The following ZNF423 variants were observed in gnomAD, a reference collection of about 807,000 sequenced individuals.
ZNF423 encodes the protein Ebf-associated zinc finger protein.
A neutral mutation model predicts 95.8 loss-of-function variants in ZNF423; 12 were observed. The observed-to-expected ratio is 0.13, with a 90% CI of 0.08 to 0.20. ZNF423 has a LOEUF of 0.20. Among genes scored for constraint, ZNF423 ranks in the 10% least tolerant of loss-of-function variants. The pLI is 1.00. For missense variants in ZNF423, 1,316 were observed against 1,737.1 expected (o/e 0.76, Z 4.31); for synonymous variants, 749 against 711.9 (o/e 1.05, Z -0.83).
intron 3 of ZNF423, among the ~76,000 whole-genome samples, chr16:49,665,981 C>T (rs1169827693): frequency 1.3e-5 from 2 of 152,208 alleles, no homozygotes; most frequent in South Asian, 2.1e-4. Flanking sequence ...CTGGCTGTCC[C>T]GAGTGGGCCC....
rs546571291 is a variant in ZNF423, at chr16:49,522,209, C to T, written c.3849+1415G>A. On this transcript the variant is annotated intron_variant, in intron 7 of 7. Coordinates refer to ENST00000563137, the MANE Select transcript of ZNF423 (RefSeq NM_001379286.1). ...AACTGGTGTGTGTGAGTCCTTAGGG[C>T]TCCCTTCTCCTTCCAGGCAGAGGGT... Among the ~76,000 whole-genome samples, 16 of 152,320 alleles carry T rather than the reference C, an allele frequency of 1.1e-4. 1 individual carries two copies. The South Asian group carries it at 3.1e-3, about 30-fold the overall frequency.
intron 1 of ZNF423, among the ~76,000 whole-genome samples, chr16:49,828,951 G>A (rs561463699): frequency 1.9e-4 from 29 of 152,250 alleles, no homozygotes; most frequent in African/African-American, 6.5e-4. Context: ...GGTTCCACTC[G>A]CCTCCTGGTC....
At chr16:49,814,142 G>A (rs181676554) in intron 1 of ZNF423, among the ~76,000 whole-genome samples, 15 of 151,082 alleles carry the variant, frequency 9.9e-5, no homozygotes, top group Admixed American at 4.6e-4. Flanking sequence ...CCGGGGCTTC[G>A]GAGACAGAAG....
At chr16:49,736,689 A>G (rs1567319386) in intron 2 of ZNF423, among the ~76,000 whole-genome samples, 1 of 152,142 alleles carries the variant, frequency 6.6e-6, no homozygotes, top group Non-Finnish European at 1.5e-5. Flanking sequence ...TAGCTACTTG[A>G]GAGGCTGAAG....
intron 1 of ZNF423, among the ~76,000 whole-genome samples, chr16:49,797,094 A>G (rs2034510620): frequency 6.6e-6 from 1 of 152,026 alleles, no homozygotes; most frequent in Non-Finnish European, 1.5e-5. Flanking sequence ...GCTCAACCTT[A>G]GGGAAACCCT....
chr16:49,523,820 A>C (rs371480523), intron 6 of ZNF423, 81 bp from the exon 7 acceptor site: 39 of 1,139,718 alleles, frequency 3.4e-5, no homozygotes, highest in East Asian at 2.6e-4. Flanking sequence ...CAACACTCGC[A>C]GGCAGGGATC....
intron 5 of ZNF423, among the ~76,000 whole-genome samples, chr16:49,602,785 G>A (rs557384991): frequency 3.2e-4 from 49 of 152,208 alleles, no homozygotes; most frequent in African/African-American, 1.0e-3. Context: ...GAAGGGCTCC[G>A]CAAAAGTCTC....
intron 5 of ZNF423, among the ~76,000 whole-genome samples, chr16:49,622,235 C>T (rs1401109656): frequency 6.6e-6 from 1 of 152,128 alleles, no homozygotes; most frequent in Non-Finnish European, 1.5e-5. Context: ...TCAAGAGAAG[C>T]CTAGTAAACC....
chr16:49,748,917 C>G (rs1791877391), intron 2 of ZNF423, among the ~76,000 whole-genome samples: 1 of 152,118 alleles, frequency 6.6e-6, no homozygotes, highest in South Asian at 2.1e-4. Context: ...TGTGTGCACC[C>G]CTCTCATGCA....
chr16:49,634,600 G>A (rs1026689177), intron 4 of ZNF423, among the ~76,000 whole-genome samples: 11 of 152,104 alleles, frequency 7.2e-5, no homozygotes, highest in Non-Finnish European at 1.5e-4. Context: ...TGTCCCAGCC[G>A]GTGCCTATGG....
At position 49,835,643 on chromosome 16, in the gene ZNF423, G is replaced by A. The variant is rs896799191; in HGVS notation, c.40+20092C>T. 2.6e-5 allele frequency among the ~76,000 whole-genome samples: 4 copies of A among 152,082 alleles called. No homozygotes were observed. The East Asian group carries it at 7.7e-4, about 29-fold the overall frequency. ...CTCTCCCAGCTCCCCCACCCGGCAT[G>A]GCCCAAAAAAAAGGGACGCAACCAC... On this transcript the variant is annotated intron_variant, in intron 1 of 7. Transcript: ENST00000563137.
At chr16:49,673,257 C>T (rs1346901273) in intron 3 of ZNF423, among the ~76,000 whole-genome samples, 1 of 152,214 alleles carries the variant, frequency 6.6e-6, no homozygotes, top group Admixed American at 6.5e-5. Context: ...GACCCCATCC[C>T]ATCAAAATGA....
chr16:49,607,764 G>A (rs1971584568), intron 5 of ZNF423, among the ~76,000 whole-genome samples: 1 of 152,158 alleles, frequency 6.6e-6, no homozygotes, highest in South Asian at 2.1e-4. Flanking sequence ...GAAATCTCAG[G>A]AACATCCACC....
chr16:49,652,468 C>A (rs1055695811), intron 3 of ZNF423, among the ~76,000 whole-genome samples: 1 of 152,126 alleles, frequency 6.6e-6, no homozygotes, highest in Admixed American at 6.5e-5. Context: ...CCAAGTCTGC[C>A]CCTACAAGGG....
intron 2 of ZNF423, among the ~76,000 whole-genome samples, chr16:49,739,089 G>T (rs1596950850): frequency 6.6e-6 from 1 of 152,200 alleles, no homozygotes; most frequent in East Asian, 1.9e-4. Flanking sequence ...AGCCTGTCTG[G>T]GTTCAAATCC....
intron 5 of ZNF423, among the ~76,000 whole-genome samples, chr16:49,624,083 A>C (rs1260624446): frequency 1.3e-5 from 2 of 152,252 alleles, no homozygotes; most frequent in African/African-American, 4.8e-5. Context: ...AACATCATTT[A>C]ACCTGTGACT....
chr16:49,802,221 G>C (rs529356565), intron 1 of ZNF423, among the ~76,000 whole-genome samples: 3 of 152,200 alleles, frequency 2.0e-5, no homozygotes, highest in African/African-American at 7.2e-5. Flanking sequence ...AGATTGAGTA[G>C]GATCAGTCAA....
intron 3 of ZNF423, among the ~76,000 whole-genome samples, chr16:49,700,213 A>AC (rs1180535307): frequency 0.013 from 871 of 65,512 alleles, 3 homozygotes; most frequent in East Asian, 0.07. Context: ...AAAAAAAAAA[A>AC]AAAACAAGAA....
At chr16:49,736,622 C>T (rs1263223390) in intron 2 of ZNF423, among the ~76,000 whole-genome samples, 1 of 152,120 alleles carries the variant, frequency 6.6e-6, no homozygotes, top group African/African-American at 2.4e-5. Flanking sequence ...CAGTGAGACC[C>T]CATCTTTACA....
Sources: gnomAD v4.1 joint callset for allele counts (sites outside exome capture counted in the v4.1 genomes callset) on GRCh38, gnomAD v4.1.1 for gene constraint, MANE v1.5 for transcripts, NCBI Gene and HGNC (gene_info 2026-07-23, HGNC 2026-07-21) for gene names.